The following NR1H3 variants were observed in gnomAD, a reference collection of about 807,000 sequenced individuals.
NR1H3 encodes oxysterols receptor LXR-alpha.
NR1H3 carries 19 observed loss-of-function variants against 48.1 expected under a neutral mutation model. That is an observed-to-expected ratio of 0.40 (90% CI 0.28 to 0.58). The LOEUF is 0.58. NR1H3 is among the 20% of genes least tolerant of loss of function. NR1H3 has a pLI of 0.50. For synonymous variants in NR1H3, 232 were observed against 227.3 expected, an observed-to-expected ratio of 1.02 and a Z score of -0.19; for missense variants, 486 against 595.9, an observed-to-expected ratio of 0.82 and a Z score of 1.92.
At chr11:47,255,619 T>TCTCTCTCTCTCTCTCTC (rs1565178937), upstream of NR1H3, among the ~76,000 whole-genome samples, 1 of 83,018 alleles carries the variant, frequency 1.2e-5, no homozygotes, top group African/African-American at 4.9e-5. Flanking sequence ...CTCTCTCTCT[T>TCTCTCTCTCTCTCTCTC]TCTTTCTTTC....
upstream of NR1H3, chr11:47,257,785 A>G: frequency 5.7e-6 from 4 of 704,328 alleles, no homozygotes; most frequent in Non-Finnish European, 6.9e-6. Context: ...CTGCAGGGAA[A>G]TGCCACTGTT....
chr11:47,261,988 A>G lies in NR1H3; in HGVS notation c.958A>G (p.Ser320Gly). Residue 320 changes from serine to glycine, a missense_variant, in exon 7 of 10, where the codon AGT becomes GGT. Transcript: ENST00000441012. ...SESITFLKDF[S>G]YNREDFAKAG... ...GAGTATCACCTTCCTCAAGGATTTCAGTTATAACCGGGAAGACTTTGCCAA... is the reference window on the plus strand; with the variant it reads ...GAGTATCACCTTCCTCAAGGATTTCGGTTATAACCGGGAAGACTTTGCCAA... The G allele has an allele frequency of 1.2e-6, 2 of 1,613,962 alleles. No individual in the cohort carries two copies. The highest frequency in any genetic ancestry group is 1.7e-6 in the Non-Finnish European group (2 of 1,179,830).
chr11:47,268,234 C>T (rs1957218879), intron 8 of NR1H3, 27 bp from the exon 9 acceptor site: 2 of 1,607,342 alleles, frequency 1.2e-6, no homozygotes, highest in Non-Finnish European at 8.5e-7. Context: ...GCCAGACCTG[C>T]TCCTCAACTC....
upstream of NR1H3, among the ~76,000 whole-genome samples, chr11:47,255,730 C>G (rs558286765): frequency 1.2e-4 from 18 of 150,796 alleles, no homozygotes; most frequent in African/African-American, 4.4e-4. Flanking sequence ...GGCAATGGCG[C>G]GATCTCGGGT....
rs531475933 is a variant in NR1H3 at position 47,261,154 on chromosome 11, C to T, written c.500-87C>T. On this transcript the variant is annotated intron_variant, in intron 4 of 9. Coordinates refer to ENST00000441012, the MANE Select transcript of NR1H3 (RefSeq NM_005693.4). ...TGGAGCCCCAAACCACCCCCTTTGCCCCATCCTTCCCTCCTGTCTTTCCCC... is the reference window on the plus strand; with the variant it reads ...TGGAGCCCCAAACCACCCCCTTTGCTCCATCCTTCCCTCCTGTCTTTCCCC... The T allele has an allele frequency of 2.2e-4, 189 of 868,168 alleles. No homozygotes were observed. The South Asian group carries it at 3.0e-3, about 14-fold the overall frequency. 53.8% of individuals were successfully genotyped at this position (868,168 alleles called of 1,614,324 possible).
chr11:47,255,577 CTTTCTTTCTTTCTT>C (rs1421496011), upstream of NR1H3, among the ~76,000 whole-genome samples: 3 of 88,328 alleles, frequency 3.4e-5, no homozygotes, highest in Non-Finnish European at 6.3e-5. Flanking sequence ...TTCTTTCTTT[CTTTCTTTCTTTCTT>C]TCTTTCTCTC....
chr11:47,261,515 T>C, intron 5 of NR1H3, 32 bp from the exon 6 acceptor site: 1 of 1,611,316 alleles, frequency 6.2e-7, no homozygotes, highest in Non-Finnish European at 8.5e-7. Context: ...GATGTCCGAC[T>C]CAAAGCGCTT....
rs753207033 is a variant in NR1H3, at chr11:47,267,977, CAAT to C, written c.1054_1056del (p.Asn352del). On this transcript the variant is annotated inframe_deletion, in exon 8 of 10. Transcript: ENST00000441012. Reference sequence around the variant, plus strand: ...CCAGGGCCATGAATGAGCTGCAACTCAATGATGCCGAGTTTGCCTTGCTCATTG... The same window carrying C: ...CCAGGGCCATGAATGAGCTGCAACTCGATGCCGAGTTTGCCTTGCTCATTG... 7 of 1,614,056 alleles carry C rather than the reference CAAT, an allele frequency of 4.3e-6. No individual in the cohort carries two copies. The highest frequency in any genetic ancestry group is 2.2e-5 in the East Asian group (1 of 44,882).
At chr11:47,266,646 CTT>C (rs200913635) in intron 7 of NR1H3, among the ~76,000 whole-genome samples, 12 of 137,130 alleles carry the variant, frequency 8.8e-5, no homozygotes, top group Admixed American at 7.4e-5. Context: ...TTTTCTTTTT[CTT>C]TTTTTTTTTT....
chr11:47,253,080 C>G (rs781453127), upstream of NR1H3, among the ~76,000 whole-genome samples: 4 of 148,212 alleles, frequency 2.7e-5, no homozygotes, highest in Non-Finnish European at 4.5e-5. Context: ...TACCTCAGCC[C>G]CCCAAGTGGC....
intron 8 of NR1H3, 65 bp downstream of exon 8, chr11:47,268,091 G>T: frequency 7.4e-7 from 1 of 1,342,346 alleles, no homozygotes; most frequent in Non-Finnish European, 1.1e-6. Flanking sequence ...AGGTCCCACA[G>T]GAATCGGTGG....
At chr11:47,260,764 G>A in intron 4 of NR1H3, 89 bp downstream of exon 4, 4 of 1,444,300 alleles carry the variant, frequency 2.8e-6, no homozygotes, top group Non-Finnish European at 3.7e-6. Flanking sequence ...ACTTGCAGGG[G>A]CTAACTGATC....
chr11:47,253,143 G>C (rs1383888047), upstream of NR1H3, among the ~76,000 whole-genome samples: 1 of 151,430 alleles, frequency 6.6e-6, no homozygotes, highest in Non-Finnish European at 1.5e-5. Context: ...GCGTGTGTGT[G>C]TTTTCTGTAA....
intron 1 of NR1H3, among the ~76,000 whole-genome samples, chr11:47,251,071 A>G (rs1161827540): frequency 6.6e-6 from 1 of 152,132 alleles, no homozygotes; most frequent in Non-Finnish European, 1.5e-5. Flanking sequence ...AGGCAGGAGA[A>G]TGTCGTGAAC....
At chr11:47,248,824 C>G (rs887115996), upstream of NR1H3, 3 of 1,560,082 alleles carry the variant, frequency 1.9e-6, no homozygotes, top group African/African-American at 1.4e-5. Context: ...CAAGCTGGAA[C>G]CCGCTGGGTG....
chr11:47,260,565 C>T lies in NR1H3; in HGVS notation c.389C>T (p.Ala130Val), dbSNP rs200218097. The change falls in exon 4 of 10, where the codon GCG (alanine) becomes GTG (valine). Residue 130 changes from alanine to valine, a missense_variant. By Grantham distance (64) the Ala-to-Val change is moderately conservative. Coordinates refer to ENST00000441012, the MANE Select transcript of NR1H3 (RefSeq NM_005693.4). The stretch of plus-strand genomic sequence containing the variant: ...TTCCGCCGCAGCGTCATCAAGGGAG[C>T]GCACTACATCTGCCACAGTGGCGGC... ...GFFRRSVIKG[A>V]HYICHSGGHC... The T allele has an allele frequency of 3.6e-5, 58 of 1,614,192 alleles. No individual in the cohort carries two copies. The East Asian group carries it at 9.1e-4, about 25-fold the overall frequency.
chr11:47,248,683 A>G, upstream of NR1H3: 2 of 1,611,256 alleles, frequency 1.2e-6, no homozygotes, highest in South Asian at 2.2e-5. Context: ...TACCAAGGTA[A>G]CGAAGCGCAG....
chr11:47,252,723 G>A (rs1954765186), intron 1 of NR1H3, among the ~76,000 whole-genome samples: 2 of 150,594 alleles, frequency 1.3e-5, no homozygotes, highest in African/African-American at 4.9e-5. Context: ...ACAGGCACCT[G>A]CCACCACACC....
chr11:47,256,745 T>C (rs1448579564), upstream of NR1H3, among the ~76,000 whole-genome samples: 1 of 150,858 alleles, frequency 6.6e-6, no homozygotes, highest in Non-Finnish European at 1.5e-5. Flanking sequence ...TTTTTTTTTT[T>C]TTGGGGACAG....
Sources: gnomAD v4.1 joint callset for allele counts (sites outside exome capture counted in the v4.1 genomes callset) on GRCh38, gnomAD v4.1.1 for gene constraint, MANE v1.5 for transcripts, NCBI Gene and HGNC (gene_info 2026-07-23, HGNC 2026-07-21) for gene names.